Variants in RPSA2 observed in about 807,000 individuals in gnomAD.
RPSA2 encodes the protein small ribosomal subunit protein uS2B.
At chr19:23,769,094 T>C in the RPSA2 span, among the ~76,000 whole-genome samples, 10 of 152,186 alleles carry the variant, frequency 6.6e-5, no homozygotes, top group Admixed American at 1.3e-4. Context: ...CTGTAACATA[T>C]ATCTGGGTCC....
chr19:23,806,866 T>G, the RPSA2 span, among the ~76,000 whole-genome samples: 1 of 151,952 alleles, frequency 6.6e-6, no homozygotes, highest in Non-Finnish European at 1.5e-5. Context: ...AAGTCACTAT[T>G]AAAAATTGTA....
At chr19:23,833,960 A>G in the RPSA2 span, among the ~76,000 whole-genome samples, 6 of 152,116 alleles carry the variant, frequency 3.9e-5, no homozygotes, top group African/African-American at 1.4e-4. Context: ...ATTTGGAAAA[A>G]CATTTTTTCA....
chr19:23,853,388 C>T, the RPSA2 span, among the ~76,000 whole-genome samples: 8 of 152,094 alleles, frequency 5.3e-5, no homozygotes, highest in South Asian at 1.7e-3. Flanking sequence ...CATGAGAATT[C>T]CAGGGGGGAA....
chr19:23,857,485 C>CTTTTTTTTTTT, the RPSA2 span, among the ~76,000 whole-genome samples: 1 of 95,258 alleles, frequency 1.0e-5, no homozygotes, highest in East Asian at 3.5e-4. Context: ...TTTTTAAAGT[C>CTTTTTTTTTTT]TTTTTTTTTT....
chr19:23,838,589 G>A, the RPSA2 span, among the ~76,000 whole-genome samples: 1 of 151,958 alleles, frequency 6.6e-6, no homozygotes, highest in Non-Finnish European at 1.5e-5. Context: ...TAATCTCACT[G>A]CTTGTTATTG....
the RPSA2 span, among the ~76,000 whole-genome samples, chr19:23,780,261 T>G: frequency 6.6e-6 from 1 of 152,150 alleles, no homozygotes; most frequent in Non-Finnish European, 1.5e-5. Flanking sequence ...AAACACACCC[T>G]GCCAATTTTT....
the RPSA2 span, among the ~76,000 whole-genome samples, chr19:23,841,751 C>T: frequency 1.1e-4 from 17 of 152,162 alleles, no homozygotes; most frequent in Admixed American, 4.6e-4. Context: ...TCCTGTTCAC[C>T]TGTCTGTGTA....
At chr19:23,802,903 A>C in the RPSA2 span, among the ~76,000 whole-genome samples, 2 of 152,124 alleles carry the variant, frequency 1.3e-5, no homozygotes, top group Non-Finnish European at 1.5e-5. Context: ...TGATGTCTAC[A>C]CCTGAACATA....
chr19:23,807,884 TG>T, the RPSA2 span: 1 of 415,174 alleles, frequency 2.4e-6, no homozygotes, highest in Non-Finnish European at 4.8e-6. Flanking sequence ...TAGCAGTGCC[TG>T]GACACTGCAC....
the RPSA2 span, among the ~76,000 whole-genome samples, chr19:23,805,387 C>T: frequency 5.3e-5 from 8 of 152,114 alleles, no homozygotes; most frequent in Non-Finnish European, 1.2e-4. Flanking sequence ...TGGTCTCGAA[C>T]TCCCTACCTC....
At chr19:23,836,605 G>C in the RPSA2 span, among the ~76,000 whole-genome samples, 9,497 of 152,186 alleles carry the variant, frequency 0.062, 322 homozygotes, top group African/African-American at 0.07. Context: ...GTTTCCTATA[G>C]TGACTGTACT....
At chr19:23,821,609 G>A in the RPSA2 span, among the ~76,000 whole-genome samples, 2 of 152,176 alleles carry the variant, frequency 1.3e-5, no homozygotes, top group Non-Finnish European at 2.9e-5. Context: ...CGATCAGGTC[G>A]GCATCTGGCT....
chr19:23,848,258 G>A, the RPSA2 span, among the ~76,000 whole-genome samples: 841 of 152,268 alleles, frequency 5.5e-3, 7 homozygotes, highest in African/African-American at 0.02. Context: ...CGGTCCCTCC[G>A]TTTGGGGTCC....
At chr19:23,867,955 G>C in the RPSA2 span, among the ~76,000 whole-genome samples, 3 of 152,058 alleles carry the variant, frequency 2.0e-5, no homozygotes, top group African/African-American at 7.3e-5. Context: ...TGGATCAATG[G>C]CCCCTAACAC....
the RPSA2 span, among the ~76,000 whole-genome samples, chr19:23,839,016 G>A: frequency 6.6e-6 from 1 of 151,450 alleles, no homozygotes; most frequent in African/African-American, 2.4e-5. Flanking sequence ...ATTTGTTCTT[G>A]TTTCTCTAGT....
At chr19:23,822,239 C>CTT in the RPSA2 span, among the ~76,000 whole-genome samples, 2 of 152,206 alleles carry the variant, frequency 1.3e-5, no homozygotes, top group African/African-American at 4.8e-5. Context: ...TTTGCAGGCG[C>CTT]TGAAGCTGGG....
the RPSA2 span, among the ~76,000 whole-genome samples, chr19:23,761,906 T>TCTCTCTCTCTCTCTCTCTCTC: frequency 6.0e-4 from 55 of 92,128 alleles, 11 homozygotes; most frequent in Middle Eastern, 9.1e-3. Context: ...ACGTAATTCT[T>TCTCTCTCTCTCTCTCTCTCTC]TCTTTCTTTC....
the RPSA2 span, chr19:23,782,270 A>G: frequency 1.3e-5 from 2 of 152,054 alleles, no homozygotes; most frequent in Non-Finnish European, 2.9e-5. Context: ...CTGATGTGAC[A>G]TTTTTGTTTT....
the RPSA2 span, among the ~76,000 whole-genome samples, chr19:23,850,883 T>C: frequency 6.6e-6 from 1 of 152,296 alleles, no homozygotes; most frequent in East Asian, 1.9e-4. Flanking sequence ...GTTTAGACTG[T>C]TTGGACAATT....
Sources: gnomAD v4.1 joint callset for allele counts (sites outside exome capture counted in the v4.1 genomes callset) on GRCh38, gnomAD v4.1.1 for gene constraint, MANE v1.5 for transcripts, NCBI Gene and HGNC (gene_info 2026-07-23, HGNC 2026-07-21) for gene names.